Variants in ZNF385D observed in about 807,000 individuals in gnomAD.
ZNF385D encodes the protein zinc finger protein 659.
A neutral mutation model predicts 35.8 loss-of-function variants in ZNF385D; 15 were observed. The ratio of observed to expected loss-of-function variants is 0.42; its 90% CI spans 0.28 to 0.64. The LOEUF is 0.64. Ranked by LOEUF, ZNF385D falls within the 30% of genes least tolerant of loss-of-function variation. The pLI, the probability that ZNF385D is intolerant of heterozygous loss-of-function variation, is 0.23. For synonymous variants in ZNF385D, 212 were observed against 186.8 expected (o/e 1.13, Z -1.10); for missense variants, 474 against 494.6 (o/e 0.96, Z 0.39).
intron 2 of ZNF385D, among the ~76,000 whole-genome samples, chr3:21,608,023 G>GTTTTTTTTTGGTGTTTTTT (rs1553622610): frequency 8.3e-6 from 1 of 120,220 alleles, no homozygotes; most frequent in African/African-American, 3.2e-5. Flanking sequence ...TTTTTTTTTT[G>GTTTTTTTTTGGTGTTTTTT]TTTTTTTTTT....
intron 3 of ZNF385D, among the ~76,000 whole-genome samples, chr3:21,759,001 A>AAAAAAAAAAAAAAAAC (rs1559593528): frequency 3.8e-5 from 5 of 133,144 alleles, no homozygotes; most frequent in African/African-American, 1.2e-4. Context: ...AAAAAAAAAA[A>AAAAAAAAAAAAAAAAC]AAAAACAGTG....
intron 3 of ZNF385D, among the ~76,000 whole-genome samples, chr3:22,083,656 C>G (rs935262909): frequency 6.6e-6 from 1 of 152,338 alleles, no homozygotes; most frequent in Non-Finnish European, 1.5e-5. Context: ...GGAAAACACT[C>G]TGTAGGATAT....
intron 3 of ZNF385D, among the ~76,000 whole-genome samples, chr3:22,078,247 G>A (rs1700566970): frequency 6.6e-6 from 1 of 151,906 alleles, no homozygotes; most frequent in African/African-American, 2.4e-5. Flanking sequence ...TAAATGATTT[G>A]GTTGTTTGGT....
At position 21,810,560 on chromosome 3, in the gene ZNF385D, ATGTT is replaced by A. The variant is rs1403735312; in HGVS notation, c.326-145536_326-145533del. On this transcript the variant is annotated intron_variant, in intron 3 of 5. Coordinates refer to the ZNF385D transcript ENST00000494108. The stretch of plus-strand genomic sequence containing the variant: ...TATGTGTGTGTATGTATGTATGTAT[ATGTT>A]TATTTATTTTTATTAATAAAATATA... Among the ~76,000 whole-genome samples the A allele has an allele frequency of 4.6e-5, 7 of 152,052 alleles. No homozygotes were observed. The South Asian group carries it at 1.5e-3, about 32-fold the overall frequency.
chr3:22,349,884 T>C (rs1034157731), intron 2 of ZNF385D, among the ~76,000 whole-genome samples: 36 of 152,202 alleles, frequency 2.4e-4, no homozygotes, highest in African/African-American at 8.4e-4. Flanking sequence ...CAATAACCAA[T>C]TAATAATATA....
At chr3:22,130,936 C>T (rs1424729043) in intron 3 of ZNF385D, among the ~76,000 whole-genome samples, 1 of 152,020 alleles carries the variant, frequency 6.6e-6, no homozygotes, top group Non-Finnish European at 1.5e-5. Flanking sequence ...CTAGTGTAGG[C>T]ATTAATTAGC....
At chr3:22,215,045 T>G (rs1488926727) in intron 2 of ZNF385D, among the ~76,000 whole-genome samples, 1 of 152,026 alleles carries the variant, frequency 6.6e-6, no homozygotes, top group Non-Finnish European at 1.5e-5. Context: ...TTCTCTCTTT[T>G]GTACTCTGTC....
chr3:21,808,786 A>C lies in ZNF385D; in HGVS notation c.326-143758T>G, dbSNP rs75044542. ...GAAACCCTAGAGCAGCCAATACATG[A>C]ATCCAACCAGAATCCACACAGCAAA... On this transcript the variant is annotated intron_variant, in intron 3 of 5. Coordinates refer to the ZNF385D transcript ENST00000494108. 9.5e-3 allele frequency among the ~76,000 whole-genome samples: 1,450 copies of C among 152,324 alleles called. 19 individuals are homozygous for C. The highest frequency in any genetic ancestry group is 0.032 in the African/African-American group (1,350 of 41,556).
chr3:21,514,023 A>AT (rs1260663470), intron 3 of ZNF385D, among the ~76,000 whole-genome samples: 1 of 152,092 alleles, frequency 6.6e-6, no homozygotes, highest in East Asian at 1.9e-4. Flanking sequence ...TGTAAAAAAA[A>AT]GCTGCAGCCT....
intron 3 of ZNF385D, among the ~76,000 whole-genome samples, chr3:22,046,471 A>T (rs1471648931): frequency 1.3e-5 from 2 of 152,162 alleles, no homozygotes; most frequent in East Asian, 3.9e-4. Context: ...ATTTAATCCG[A>T]CCAAAAAATC....
At chr3:21,486,884 T>A (rs528899102) in intron 4 of ZNF385D, among the ~76,000 whole-genome samples, 1 of 152,140 alleles carries the variant, frequency 6.6e-6, no homozygotes, top group Non-Finnish European at 1.5e-5. Context: ...TACTTTTTTT[T>A]AAACTGGCTA....
chr3:21,994,265 T>C lies in ZNF385D; in HGVS notation c.325+174552A>G, dbSNP rs141646826. Among the ~76,000 whole-genome samples the C allele has an allele frequency of 1.7e-3, 259 of 152,282 alleles. 1 individual carries two copies. Among genetic ancestry groups the C allele is most frequent in the African/African-American group, 5.9e-3 (245 of 41,560 alleles). On this transcript the variant is annotated intron_variant, in intron 3 of 5. Coordinates refer to the ZNF385D transcript ENST00000494108. The stretch of plus-strand genomic sequence containing the variant: ...TACTTAAACAGCATTCATCAGCAAA[T>C]TGGAGATATGATACAGGGAAAGTGA...
intron 2 of ZNF385D, among the ~76,000 whole-genome samples, chr3:21,607,060 G>A (rs2064505324): frequency 1.3e-5 from 2 of 152,258 alleles, no homozygotes; most frequent in South Asian, 4.1e-4. Flanking sequence ...TTACAGAGTA[G>A]ACAATTTATT....
intron 3 of ZNF385D, among the ~76,000 whole-genome samples, chr3:21,998,164 G>A (rs567975160): frequency 6.6e-6 from 1 of 152,072 alleles, no homozygotes; most frequent in Non-Finnish European, 1.5e-5. Context: ...TCCTTTCCCA[G>A]AAAGTTAGTG....
At chr3:21,797,938 A>C (rs2072225724) in intron 3 of ZNF385D, among the ~76,000 whole-genome samples, 1 of 152,234 alleles carries the variant, frequency 6.6e-6, no homozygotes, top group South Asian at 2.1e-4. Context: ...ATATACCATT[A>C]TACATTTGTC....
chr3:21,776,439 C>T (rs2071291522), intron 3 of ZNF385D, among the ~76,000 whole-genome samples: 1 of 151,914 alleles, frequency 6.6e-6, no homozygotes, highest in Non-Finnish European at 1.5e-5. Context: ...CACTGAATAT[C>T]CTTTAAAAAA....
chr3:21,590,188 T>C (rs73137033), intron 2 of ZNF385D, among the ~76,000 whole-genome samples: 2 of 152,136 alleles, frequency 1.3e-5, no homozygotes, highest in African/African-American at 4.8e-5. Flanking sequence ...TGCAGCTAAA[T>C]GTGTCAACAT....
intron 1 of ZNF385D, among the ~76,000 whole-genome samples, chr3:21,670,224 A>G (rs2066523221): frequency 1.3e-5 from 2 of 151,962 alleles, no homozygotes; most frequent in South Asian, 2.1e-4. Context: ...TCCCTACATC[A>G]TCAACTTATC....
chr3:22,127,609 G>A (rs1414182837), intron 3 of ZNF385D, among the ~76,000 whole-genome samples: 1 of 151,842 alleles, frequency 6.6e-6, no homozygotes, highest in African/African-American at 2.4e-5. Context: ...CAAAGTGCTA[G>A]GATTACAGGC....
Sources: gnomAD v4.1 joint callset for allele counts (sites outside exome capture counted in the v4.1 genomes callset) on GRCh38, gnomAD v4.1.1 for gene constraint, MANE v1.5 for transcripts, NCBI Gene and HGNC (gene_info 2026-07-23, HGNC 2026-07-21) for gene names.